GALNTL6: variants seen among roughly 807,000 people sequenced by gnomAD.
GALNTL6 encodes polypeptide N-acetylgalactosaminyltransferase like 6.
A neutral mutation model predicts 73.7 loss-of-function variants in GALNTL6; 46 were observed. The ratio of observed to expected loss-of-function variants is 0.62; its 90% CI spans 0.49 to 0.80. The LOEUF is 0.80. Among genes scored for constraint, GALNTL6 ranks in the 30% least tolerant of loss-of-function variants. The pLI, the probability that GALNTL6 is intolerant of heterozygous loss-of-function variation, is 0.00. For missense variants in GALNTL6, 604 were observed against 755.0 expected (o/e 0.80, Z 2.34); for synonymous variants, 259 against 263.7 (o/e 0.98, Z 0.17).
chr4:171,872,696 T>C (rs887715943), intron 2 of GALNTL6, among the ~76,000 whole-genome samples: 1 of 152,156 alleles, frequency 6.6e-6, no homozygotes, highest in Admixed American at 6.5e-5. Flanking sequence ...GTTCTCCATC[T>C]GTGTGTGTCA....
intron 2 of GALNTL6, among the ~76,000 whole-genome samples, chr4:171,992,975 AGAGT>A (rs1003518098): frequency 3.9e-5 from 6 of 151,984 alleles, no homozygotes; most frequent in African/African-American, 1.4e-4. Flanking sequence ...TAAATTTCTC[AGAGT>A]TGCTTCTTTG....
chr4:172,930,394 G>C (rs914641345), intron 8 of GALNTL6, among the ~76,000 whole-genome samples: 3 of 152,068 alleles, frequency 2.0e-5, no homozygotes, highest in African/African-American at 4.8e-5. Flanking sequence ...ACTGTTGCAA[G>C]TTTCAGAATG....
intron 2 of GALNTL6, among the ~76,000 whole-genome samples, chr4:172,173,839 A>G (rs908958046): frequency 2.0e-5 from 3 of 152,222 alleles, no homozygotes; most frequent in East Asian, 1.9e-4. Context: ...GCAAAGCTTG[A>G]TCACCCCAGC....
chr4:172,943,909 T>C (rs538322307), intron 9 of GALNTL6, among the ~76,000 whole-genome samples: 15 of 152,326 alleles, frequency 9.8e-5, no homozygotes, highest in African/African-American at 3.6e-4. Context: ...TTTTCAACAA[T>C]TGATGCTAGA....
At chr4:172,954,212 A>C (rs112383349) in intron 10 of GALNTL6, among the ~76,000 whole-genome samples, 1 of 152,240 alleles carries the variant, frequency 6.6e-6, no homozygotes, top group Admixed American at 6.5e-5. Flanking sequence ...TTTTTCCCAC[A>C]GTACCTGATT....
intron 7 of GALNTL6, among the ~76,000 whole-genome samples, chr4:172,848,984 T>C (rs1054951884): frequency 6.6e-6 from 1 of 152,064 alleles, no homozygotes; most frequent in Non-Finnish European, 1.5e-5. Flanking sequence ...TCACTGAAAG[T>C]CTGCTTCAGA....
At chr4:172,222,197 C>T (rs1476586263) in intron 2 of GALNTL6, among the ~76,000 whole-genome samples, 1 of 151,878 alleles carries the variant, frequency 6.6e-6, no homozygotes, top group Non-Finnish European at 1.5e-5. Flanking sequence ...GGTAATCTGA[C>T]CTCTGCCTAT....
At chr4:172,294,706 T>C (rs1739602416) in intron 3 of GALNTL6, among the ~76,000 whole-genome samples, 1 of 152,188 alleles carries the variant, frequency 6.6e-6, no homozygotes, top group African/African-American at 2.4e-5. Flanking sequence ...GCAGAACCCA[T>C]ATTTGCTAAT....
intron 5 of GALNTL6, among the ~76,000 whole-genome samples, chr4:172,501,346 T>G (rs1016619238): frequency 1.3e-5 from 2 of 152,166 alleles, no homozygotes; most frequent in Non-Finnish European, 2.9e-5. Context: ...TAATCAAAAA[T>G]TTCAAACATA....
At chr4:172,981,857 C>T (rs1471460197) in intron 10 of GALNTL6, among the ~76,000 whole-genome samples, 1 of 135,504 alleles carries the variant, frequency 7.4e-6, no homozygotes, top group Non-Finnish European at 1.5e-5. Context: ...GGCTGGAGTG[C>T]AGTGTGATAG....
chr4:172,612,760 T>C (rs1204899974), intron 5 of GALNTL6, among the ~76,000 whole-genome samples: 5 of 152,120 alleles, frequency 3.3e-5, no homozygotes, highest in African/African-American at 9.6e-5. Flanking sequence ...TCCTAAAATG[T>C]TGGTTGTTAT....
intron 6 of GALNTL6, among the ~76,000 whole-genome samples, 176 bp from the exon 7 acceptor site, chr4:172,813,364 G>A (rs1002510631): frequency 6.6e-6 from 1 of 152,126 alleles, no homozygotes. Flanking sequence ...CCTAATCGCT[G>A]TCCCATCACA....
At chr4:171,919,577 A>T (rs925684812) in intron 2 of GALNTL6, among the ~76,000 whole-genome samples, 2 of 152,118 alleles carry the variant, frequency 1.3e-5, no homozygotes, top group Non-Finnish European at 2.9e-5. Flanking sequence ...TAGTGGCAGG[A>T]TACTTATAGG....
chr4:171,903,433 G>A lies in GALNTL6; in HGVS notation c.138+88715G>A, dbSNP rs9762646. Among the ~76,000 whole-genome samples the A allele has an allele frequency of 5.9e-3, 899 of 151,994 alleles. 11 individuals carry two copies. The highest frequency in any genetic ancestry group is 0.02 in the African/African-American group (840 of 41,408). ...TCCCACCCAAATACTGCGCTTTGCC[G>A]AAGGGCTTAAAAAACGGCACACCAG... On this transcript the variant is annotated intron_variant, in intron 2 of 12. Coordinates refer to ENST00000506823, the MANE Select transcript of GALNTL6 (RefSeq NM_001034845.3).
intron 7 of GALNTL6, among the ~76,000 whole-genome samples, chr4:172,871,373 G>A (rs771609170): frequency 1.3e-5 from 2 of 152,028 alleles, no homozygotes; most frequent in Non-Finnish European, 2.9e-5. Context: ...ACAGGGTTAC[G>A]TGCCCTCCTG....
At chr4:172,580,386 G>T (rs1737135741) in intron 5 of GALNTL6, among the ~76,000 whole-genome samples, 2 of 152,056 alleles carry the variant, frequency 1.3e-5, no homozygotes, top group African/African-American at 4.8e-5. Flanking sequence ...AAAACAACTT[G>T]TATTTAAAAA....
At chr4:171,879,538 CAA>C (rs745491578) in intron 2 of GALNTL6, among the ~76,000 whole-genome samples, 2 of 152,178 alleles carry the variant, frequency 1.3e-5, no homozygotes, top group South Asian at 2.1e-4. Flanking sequence ...AATATAAACT[CAA>C]GTTATTATTT....
At chr4:172,459,994 A>G (rs936351409) in intron 5 of GALNTL6, among the ~76,000 whole-genome samples, 4 of 152,224 alleles carry the variant, frequency 2.6e-5, no homozygotes, top group African/African-American at 9.6e-5. Flanking sequence ...CAAAAACAGC[A>G]TGGCACTGGT....
intron 2 of GALNTL6, among the ~76,000 whole-genome samples, chr4:171,820,415 T>C (rs1323942752): frequency 2.0e-5 from 3 of 152,250 alleles, no homozygotes; most frequent in Non-Finnish European, 2.9e-5. Context: ...AAATTAAATG[T>C]ATTCATTTTA....
Sources: gnomAD v4.1 joint callset for allele counts (sites outside exome capture counted in the v4.1 genomes callset) on GRCh38, gnomAD v4.1.1 for gene constraint, MANE v1.5 for transcripts, NCBI Gene and HGNC (gene_info 2026-07-23, HGNC 2026-07-21) for gene names.